Variants in VPS26A observed in about 807,000 individuals in gnomAD.
The protein encoded by VPS26A is vacuolar protein sorting-associated protein 26A.
A neutral mutation model predicts 42.4 loss-of-function variants in VPS26A; 22 were observed. That is an observed-to-expected ratio of 0.52 (90% confidence interval 0.37 to 0.74). The LOEUF (loss-of-function observed/expected upper bound fraction) is 0.74, where lower values mean the gene tolerates loss of function less well. Among genes scored for constraint, VPS26A ranks in the 30% least tolerant of loss-of-function variants. The pLI is 0.00. For synonymous variants in VPS26A, 110 were observed against 123.5 expected, an observed-to-expected ratio of 0.89 and a Z score of 0.73; for missense variants, 276 against 379.2, an observed-to-expected ratio of 0.73 and a Z score of 2.26.
At chr10:69,151,282 A>AAAAACAAAAAACAAAAAACACACAC (rs71035063) in intron 2 of VPS26A, among the ~76,000 whole-genome samples, 4 of 136,776 alleles carry the variant, frequency 2.9e-5, no homozygotes, top group African/African-American at 1.0e-4. Flanking sequence ...AAAAAAAAAA[A>AAAAACAAAAAACAAAAAACACACAC]ACACACACAC....
intron 2 of VPS26A, among the ~76,000 whole-genome samples, chr10:69,138,312 A>T (rs1840966007): frequency 6.6e-6 from 1 of 152,120 alleles, no homozygotes; most frequent in Admixed American, 6.5e-5. Flanking sequence ...TGCTGTTGTG[A>T]CTAATGCTGA....
At chr10:69,156,568 G>A (rs996936478) in intron 3 of VPS26A, among the ~76,000 whole-genome samples, 7 of 152,120 alleles carry the variant, frequency 4.6e-5, no homozygotes, top group African/African-American at 1.2e-4. Flanking sequence ...GACTGAGAGT[G>A]TACTTACATG....
intron 5 of VPS26A, among the ~76,000 whole-genome samples, chr10:69,161,083 A>G (rs1589362691): frequency 6.6e-6 from 1 of 152,120 alleles, no homozygotes; most frequent in African/African-American, 2.4e-5. Flanking sequence ...GTTTTGAGAA[A>G]GAGTCTGGCT....
intron 6 of VPS26A, among the ~76,000 whole-genome samples, chr10:69,165,045 A>G (rs1267658663): frequency 6.6e-6 from 1 of 151,270 alleles, no homozygotes; most frequent in African/African-American, 2.4e-5. Flanking sequence ...CTCCTGCCTC[A>G]GCCTCCTGAG....
In VPS26A at chr10:69,163,830, A is replaced by G. The variant is rs563244422; in HGVS notation, c.658+1318A>G. Among the ~76,000 whole-genome samples the G allele has an allele frequency of 2.0e-3, 302 of 149,860 alleles. 4 individuals carry two copies. Among genetic ancestry groups the G allele is most frequent in the Admixed American group, 0.017 (252 of 15,024 alleles). Reference sequence around the variant, plus strand: ...GCCCAGGCGGGAGTGCAGTGGCGCAATCTCGGCTCACTGCAAGCTCCGCCT... The same window carrying G: ...GCCCAGGCGGGAGTGCAGTGGCGCAGTCTCGGCTCACTGCAAGCTCCGCCT... On this transcript the variant is annotated intron_variant, in intron 6 of 8. Coordinates refer to ENST00000263559, the MANE Select transcript of VPS26A (RefSeq NM_004896.5).
intron 2 of VPS26A, among the ~76,000 whole-genome samples, chr10:69,142,498 A>G (rs1305625669): frequency 6.6e-6 from 1 of 152,078 alleles, no homozygotes; most frequent in Non-Finnish European, 1.5e-5. Context: ...CTGGCCAAGG[A>G]TTATTTGAAA....
At chr10:69,154,714 T>A (rs562865716) in intron 2 of VPS26A, among the ~76,000 whole-genome samples, 1 of 152,080 alleles carries the variant, frequency 6.6e-6, no homozygotes, top group Admixed American at 6.5e-5. Context: ...AAAATTTTTT[T>A]AATTAGCTTG....
chr10:69,128,519 C>T (rs938261287), intron 1 of VPS26A, among the ~76,000 whole-genome samples: 5 of 151,948 alleles, frequency 3.3e-5, no homozygotes, highest in African/African-American at 4.8e-5. Context: ...CGTGAGCCAC[C>T]GCGCCTGGCG....
chr10:69,167,955 T>G (rs919338665), intron 7 of VPS26A, among the ~76,000 whole-genome samples: 1 of 152,130 alleles, frequency 6.6e-6, no homozygotes, highest in Admixed American at 6.5e-5. Context: ...ACAAAACAAC[T>G]TATAGAGCAC....
chr10:69,127,390 A>G (rs1305131779), intron 1 of VPS26A, among the ~76,000 whole-genome samples: 1 of 151,712 alleles, frequency 6.6e-6, no homozygotes, highest in Non-Finnish European at 1.5e-5. Flanking sequence ...CGTCTCCACT[A>G]AAAATACGAA....
At position 69,170,363 on chromosome 10, in the gene VPS26A, A is replaced by G. The variant is rs192898968; in HGVS notation, c.871-793A>G. The G allele has an allele frequency of 4.6e-5, 7 of 152,262 alleles. No individual in the cohort carries two copies. In the East Asian group the frequency reaches 5.8e-4, roughly 13 times the overall value. The allele number at this position is 152,262 out of a possible 1,614,324, so 9.4% of individuals were successfully genotyped here. A position where few individuals can be genotyped will look rare whatever the true frequency, so the allele number is the denominator to read the frequency against. ...AAAATCAATTGCATATCATGGCACT[A>G]TTGGAGGTAAGTCTGTTATTTCCCA... On this transcript the variant is annotated intron_variant, in intron 8 of 8. Transcript: ENST00000263559.
At position 69,132,924 on chromosome 10, in the gene VPS26A, A is replaced by C; in HGVS notation, c.30A>C (p.Pro10=). The C allele has an allele frequency of 6.3e-7, 1 of 1,590,798 alleles. No individual in the cohort carries two copies. Among genetic ancestry groups the C allele is most frequent in the South Asian group, 1.2e-5 (1 of 85,860 alleles). Residue 10 remains proline, a synonymous_variant, in exon 2 of 9, where the codon CCA becomes CCC. Transcript: ENST00000263559. ...GTTTTCTTGGAGGCTTTTTTGGTCC[A>C]ATTTGTGAGATCGATATTGTTCTTA... MSFLGGFFG[P]ICEIDIVLND...
Position 69,173,528 on chromosome 10 carries a change from A to G in VPS26A, c.*2259A>G, listed in dbSNP as rs2132248458. ...TTCCAGCTATTTAGGAAGCTGAGACAGGAAGATCCCTTTGAGAGGTGAAGC... is the reference window on the plus strand; with the variant it reads ...TTCCAGCTATTTAGGAAGCTGAGACGGGAAGATCCCTTTGAGAGGTGAAGC... On this transcript the variant is annotated 3_prime_UTR_variant, in exon 9 of 9. Coordinates refer to ENST00000263559, the MANE Select transcript of VPS26A (RefSeq NM_004896.5). 6.6e-6 allele frequency among the ~76,000 whole-genome samples: 1 copy of G among 152,206 alleles called. No homozygotes were observed. Among genetic ancestry groups the G allele is most frequent in the East Asian group, 1.9e-4 (1 of 5,194 alleles).
chr10:69,141,481 T>C (rs1483535776), intron 2 of VPS26A, among the ~76,000 whole-genome samples: 1 of 152,200 alleles, frequency 6.6e-6, no homozygotes, highest in East Asian at 1.9e-4. Flanking sequence ...TCAAATTTAT[T>C]GTCTCTAGAA....
intron 2 of VPS26A, among the ~76,000 whole-genome samples, 177 bp from the exon 3 acceptor site, chr10:69,155,635 A>G (rs147681616): frequency 1.5e-4 from 23 of 152,306 alleles, no homozygotes; most frequent in Middle Eastern, 3.4e-3. Context: ...ATTGTGTATA[A>G]CTAAATTACA....
At chr10:69,169,435 A>T (rs925915109) in intron 8 of VPS26A, among the ~76,000 whole-genome samples, 3 of 151,924 alleles carry the variant, frequency 2.0e-5, no homozygotes, top group Non-Finnish European at 4.4e-5. Flanking sequence ...TTTTTATTTG[A>T]GACAGAGTCT....
At chr10:69,124,367 G>A in intron 1 of VPS26A, 87 bp downstream of exon 1, 1 of 1,207,152 alleles carries the variant, frequency 8.3e-7, no homozygotes, top group Non-Finnish European at 1.0e-6. Context: ...GGGCGTCGCC[G>A]GAGGAGGGGA....
At chr10:69,168,215 T>A (rs1841735572) in intron 7 of VPS26A, among the ~76,000 whole-genome samples, 1 of 152,178 alleles carries the variant, frequency 6.6e-6, no homozygotes, top group African/African-American at 2.4e-5. Context: ...TCTGGAGATA[T>A]TTTTGGCTGT....
intron 2 of VPS26A, among the ~76,000 whole-genome samples, chr10:69,154,748 C>T (rs1202026684): frequency 6.6e-6 from 1 of 152,052 alleles, no homozygotes; most frequent in Non-Finnish European, 1.5e-5. Context: ...TCCCTATAGT[C>T]CCAGCTATTT....
Sources: allele counts gnomAD v4.1 joint callset (sites outside exome capture counted in the v4.1 genomes callset), GRCh38; gene constraint gnomAD v4.1.1; transcripts MANE v1.5; gene names NCBI Gene and HGNC (gene_info 2026-07-23, HGNC 2026-07-21).